Variants in ZFP1 observed in about 807,000 individuals in gnomAD.
ZFP1 encodes the protein zinc finger protein 1 homolog.
Under a neutral mutation model 38.5 loss-of-function variants are expected in ZFP1, and 32 were observed. That is an observed-to-expected ratio of 0.83 (90% CI 0.63 to 1.12). ZFP1 has a LOEUF of 1.12. Among genes scored for constraint, ZFP1 ranks in the 50% most tolerant of loss-of-function variants. The pLI, the probability that ZFP1 is intolerant of heterozygous loss-of-function variation, is 0.00. For synonymous variants in ZFP1, 245 were observed against 168.8 expected, an observed-to-expected ratio of 1.45 and a Z score of -3.50; for missense variants, 616 against 480.8, an observed-to-expected ratio of 1.28 and a Z score of -2.63.
At chr16:75,139,428 A>G in the ZFP1 span, among the ~76,000 whole-genome samples, 48 of 149,088 alleles carry the variant, frequency 3.2e-4, no homozygotes, top group African/African-American at 1.2e-3. Flanking sequence ...CTGGGGGCTC[A>G]CGCCTATAAT....
chr16:75,144,602 C>A (rs1040381268), upstream of ZFP1, among the ~76,000 whole-genome samples: 1 of 152,150 alleles, frequency 6.6e-6, no homozygotes, highest in Admixed American at 6.6e-5. Context: ...GATGTGTACA[C>A]TCACATCACA....
At chr16:75,122,007 A>G in the ZFP1 span, among the ~76,000 whole-genome samples, 1 of 151,898 alleles carries the variant, frequency 6.6e-6, no homozygotes, top group Non-Finnish European at 1.5e-5. Flanking sequence ...CCAAAACAGA[A>G]TGATCTTTGC....
the ZFP1 span, among the ~76,000 whole-genome samples, chr16:75,137,461 C>CTTTTTTTTTTTTT: frequency 1.1e-5 from 1 of 89,416 alleles, no homozygotes; most frequent in Non-Finnish European, 2.0e-5. Context: ...AAAAAAAATT[C>CTTTTTTTTTTTTT]TTTTTTTTTT....
intron 3 of ZFP1, among the ~76,000 whole-genome samples, chr16:75,168,975 C>T (rs2038261513): frequency 6.6e-6 from 1 of 152,174 alleles, no homozygotes; most frequent in Non-Finnish European, 1.5e-5. Context: ...TTTTCTGTCT[C>T]CTTTCACCCT....
At chr16:75,152,769 C>T in intron 1 of ZFP1, 140 bp from the exon 2 acceptor site, 1 of 663,348 alleles carries the variant, frequency 1.5e-6, no homozygotes, top group East Asian at 2.7e-5. Context: ...TTTTCTGCCC[C>T]TTCTGAAGAG....
At chr16:75,152,826 G>C (rs1384423969) in intron 1 of ZFP1, 83 bp from the exon 2 acceptor site, 1 of 1,331,776 alleles carries the variant, frequency 7.5e-7, no homozygotes, top group Non-Finnish European at 1.0e-6. Context: ...GTGGTCTCTA[G>C]GGGTTTCTAA....
At chr16:75,136,879 A>T in the ZFP1 span, among the ~76,000 whole-genome samples, 9 of 150,126 alleles carry the variant, frequency 6.0e-5, 1 homozygote, top group East Asian at 3.9e-4. Flanking sequence ...TCAAAAAAGA[A>T]AAGAAAAGGA....
At chr16:75,153,790 A>G (rs1331713370) in intron 2 of ZFP1, among the ~76,000 whole-genome samples, 3 of 152,174 alleles carry the variant, frequency 2.0e-5, no homozygotes, top group Non-Finnish European at 1.5e-5. Context: ...ATCCATCACT[A>G]TGGCATCATA....
chr16:75,136,872 AAAAAG>A, the ZFP1 span, among the ~76,000 whole-genome samples: 9,007 of 152,024 alleles, frequency 0.059, 901 homozygotes, highest in African/African-American at 0.21. Flanking sequence ...CCCTGTCTCA[AAAAAG>A]AAAAGAAAAG....
chr16:75,167,902 CCAA>C (rs1234992673), intron 3 of ZFP1, among the ~76,000 whole-genome samples: 1 of 152,062 alleles, frequency 6.6e-6, no homozygotes, highest in Non-Finnish European at 1.5e-5. Flanking sequence ...AATACCAGCA[CCAA>C]CAACATGGTG....
intron 2 of ZFP1, among the ~76,000 whole-genome samples, chr16:75,160,609 A>G (rs914469696): frequency 1.1e-4 from 16 of 149,190 alleles, no homozygotes; most frequent in Non-Finnish European, 3.0e-5. Context: ...TAGTGAGCTG[A>G]GATCATGCCA....
At chr16:75,139,876 T>A in the ZFP1 span, among the ~76,000 whole-genome samples, 1 of 152,214 alleles carries the variant, frequency 6.6e-6, no homozygotes, top group Non-Finnish European at 1.5e-5. Context: ...GTGGGGATAG[T>A]TGCGCGATAT....
At chr16:75,166,451 C>A (rs137974886) in intron 2 of ZFP1, 1 of 699,026 alleles carries the variant, frequency 1.4e-6, no homozygotes, top group South Asian at 6.5e-5. Context: ...GTCTCGAACT[C>A]CCGACCTCAA....
In ZFP1 at chr16:75,169,556, C is replaced by A; in HGVS notation, c.446C>A (p.Thr149Asn). 1.2e-6 allele frequency: 2 copies of A among 1,611,576 alleles called. No individual in the cohort carries two copies. Among genetic ancestry groups the A allele is most frequent in the Non-Finnish European group, 8.5e-7 (1 of 1,179,464 alleles). ...KALLYLKQEK[T>N]HSGVEYSEYN... ...CTTCTCTACCTGAAGCAAGAGAAAA[C>A]CCACAGTGGAGTAGAATATTCTGAA... The change falls in exon 4 of 4, where the codon ACC becomes AAC. Residue 149 changes from threonine to asparagine, a missense_variant. Coordinates refer to ENST00000570010, the MANE Select transcript of ZFP1 (RefSeq NM_153688.4).
At chr16:75,152,823 C>T (rs2037275516) in intron 1 of ZFP1, 86 bp from the exon 2 acceptor site, 14 of 1,301,530 alleles carry the variant, frequency 1.1e-5, no homozygotes, top group Non-Finnish European at 1.5e-5. Context: ...CAGGTGGTCT[C>T]TAGGGGTTTC....
At chr16:75,122,925 C>G in the ZFP1 span, among the ~76,000 whole-genome samples, 1 of 151,844 alleles carries the variant, frequency 6.6e-6, no homozygotes, top group Non-Finnish European at 1.5e-5. Context: ...TAATGACAAG[C>G]ACAGTTTTTA....
intron 2 of ZFP1, among the ~76,000 whole-genome samples, chr16:75,161,772 A>AT (rs1344293752): frequency 0.034 from 248 of 7,232 alleles, 12 homozygotes; most frequent in African/African-American, 0.063. Flanking sequence ...ATATATATAT[A>AT]TATTTTTTTT....
chr16:75,124,046 A>G, the ZFP1 span, among the ~76,000 whole-genome samples: 1 of 151,774 alleles, frequency 6.6e-6, no homozygotes, highest in Non-Finnish European at 1.5e-5. Flanking sequence ...GTAAGCCAAG[A>G]TTGCGCCTCT....
At chr16:75,134,973 G>T in the ZFP1 span, among the ~76,000 whole-genome samples, 1 of 151,604 alleles carries the variant, frequency 6.6e-6, no homozygotes, top group Non-Finnish European at 1.5e-5. Flanking sequence ...AGAGTCGCTT[G>T]AACCCAGGAG....
Sources: allele counts gnomAD v4.1 joint callset (sites outside exome capture counted in the v4.1 genomes callset), GRCh38; gene constraint gnomAD v4.1.1; transcripts MANE v1.5; gene names NCBI Gene and HGNC (gene_info 2026-07-23, HGNC 2026-07-21).